Variants in TDRD12 observed in about 807,000 individuals in gnomAD.
TDRD12 encodes tudor domain containing 12.
A neutral mutation model predicts 133.5 loss-of-function variants in TDRD12; 158 were observed. The observed-to-expected ratio is 1.18, with a 90% CI of 1.04 to 1.35. The LOEUF is 1.35. Among genes scored for constraint, TDRD12 ranks in the 40% most tolerant of loss-of-function variants. TDRD12 has a pLI of 0.00. For missense variants in TDRD12, 1,443 were observed against 1,321.3 expected (o/e 1.09, Z -1.43); for synonymous variants, 460 against 477.9 (o/e 0.96, Z 0.49).
At chr19:32,724,595 G>C (rs550170967) in intron 1 of TDRD12, among the ~76,000 whole-genome samples, 3 of 152,214 alleles carry the variant, frequency 2.0e-5, no homozygotes, top group African/African-American at 7.2e-5. Flanking sequence ...TGGTGTATAT[G>C]TACCAAATTT....
chr19:32,810,164 T>C, exon 23 of TDRD12: 1 of 1,535,386 alleles, frequency 6.5e-7, no homozygotes, highest in Non-Finnish European at 8.7e-7. Flanking sequence ...TGGATCTTTA[T>C]GCAACTCTCA....
chr19:32,802,628 G>T (rs1350365476), intron 19 of TDRD12, 28 bp from the exon 20 acceptor site: 1 of 1,533,730 alleles, frequency 6.5e-7, no homozygotes, highest in Admixed American at 2.0e-5. Flanking sequence ...TCCAGCGCGT[G>T]TGACATTGTC....
At chr19:32,767,902 T>A (rs1970343174) in intron 8 of TDRD12, among the ~76,000 whole-genome samples, 1 of 152,216 alleles carries the variant, frequency 6.6e-6, no homozygotes, top group Non-Finnish European at 1.5e-5. Context: ...GTCTACCACC[T>A]ATTTTTGTGC....
intron 1 of TDRD12, among the ~76,000 whole-genome samples, chr19:32,725,266 T>C (rs767417893): frequency 3.3e-5 from 5 of 152,126 alleles, no homozygotes; most frequent in African/African-American, 4.8e-5. Context: ...TTGATGTTTT[T>C]GTCATGAAAT....
exon 4 of TDRD12, chr19:32,742,829 A>C: frequency 6.4e-7 from 1 of 1,551,920 alleles, no homozygotes; most frequent in Non-Finnish European, 8.7e-7. Context: ...ATAGAGCAAA[A>C]AAATTCAGCC....
At chr19:32,827,372 C>CTTTTCTTTTCTTTTTTTTTTTTTTTTTT (rs61327156) in exon 10 of TDRD12, 6 of 119,012 alleles carry the variant, frequency 5.0e-5, no homozygotes, top group East Asian at 2.7e-4. Flanking sequence ...CTTTTCTTTT[C>CTTTTCTTTTCTTTTTTTTTTTTTTTTTT]TTTTTTTTTT....
intron 1 of TDRD12, among the ~76,000 whole-genome samples, chr19:32,722,763 T>C (rs577386654): frequency 3.3e-5 from 5 of 150,586 alleles, no homozygotes; most frequent in African/African-American, 1.2e-4. Context: ...CACTGCAACC[T>C]CCGCCTCCCG....
At chr19:32,763,472 C>T (rs972838838) in intron 8 of TDRD12, among the ~76,000 whole-genome samples, 1 of 152,120 alleles carries the variant, frequency 6.6e-6, no homozygotes, top group South Asian at 2.1e-4. Context: ...AAGGTTAAAT[C>T]GGGCTGTATT....
At chr19:32,736,004 G>C (rs1969212351) in intron 2 of TDRD12, among the ~76,000 whole-genome samples, 1 of 152,070 alleles carries the variant, frequency 6.6e-6, no homozygotes. Flanking sequence ...GTCTTTAAAG[G>C]ACTAAAGCTT....
At chr19:32,757,096 T>A in exon 8 of TDRD12, 1 of 1,551,920 alleles carries the variant, frequency 6.4e-7, no homozygotes, top group Non-Finnish European at 8.7e-7. Flanking sequence ...GCAAGGGTAT[T>A]GTCGGTGACC....
At chr19:32,813,342 G>A (rs1160920689) in intron 24 of TDRD12, among the ~76,000 whole-genome samples, 2 of 152,196 alleles carry the variant, frequency 1.3e-5, no homozygotes, top group Admixed American at 1.3e-4. Flanking sequence ...CAAAGAAATA[G>A]GCATCCGTGC....
intron 11 of TDRD12, among the ~76,000 whole-genome samples, chr19:32,783,926 C>T (rs1970837569): frequency 6.6e-6 from 1 of 152,178 alleles, no homozygotes; most frequent in African/African-American, 2.4e-5. Flanking sequence ...AATTTGACTT[C>T]CTCTCTTCCT....
exon 1 of TDRD12, chr19:32,719,888 G>GTCC: frequency 1.5e-6 from 1 of 675,390 alleles, no homozygotes; most frequent in Non-Finnish European, 2.5e-6. Flanking sequence ...CGACCCCGGG[G>GTCC]TCCGCGAGGG....
At chr19:32,748,800 C>T (rs748606355) in intron 5 of TDRD12, among the ~76,000 whole-genome samples, 3 of 152,202 alleles carry the variant, frequency 2.0e-5, no homozygotes, top group East Asian at 1.9e-4. Context: ...CCTGCCTCTT[C>T]GTTTGCATAA....
At chr19:32,732,859 G>C (rs1969101058) in intron 2 of TDRD12, among the ~76,000 whole-genome samples, 1 of 152,156 alleles carries the variant, frequency 6.6e-6, no homozygotes, top group Non-Finnish European at 1.5e-5. Context: ...GTTAAACCAG[G>C]TCAATTGTTT....
chr19:32,754,826 C>CCT (rs1969945880), intron 6 of TDRD12, among the ~76,000 whole-genome samples: 1 of 151,942 alleles, frequency 6.6e-6, no homozygotes, highest in Non-Finnish European at 1.5e-5. Context: ...TATAGGCATG[C>CCT]GCCACCACGC....
intron 9 of TDRD12, 82 bp downstream of exon 9, chr19:32,772,932 AC>A: frequency 2.8e-6 from 2 of 713,862 alleles, no homozygotes; most frequent in Non-Finnish European, 4.2e-6. Flanking sequence ...TCTATCTGAA[AC>A]CAAAAATATG....
Position 32,723,396 on chromosome 19 carries a change from G to A in TDRD12, c.24+3300G>A, listed in dbSNP as rs188376896. Among the ~76,000 whole-genome samples the A allele has an allele frequency of 3.2e-4, 48 of 151,878 alleles. 1 individual carries two copies. The highest frequency in any genetic ancestry group is 6.8e-3 in the Middle Eastern group (2 of 294). On this transcript the variant is annotated intron_variant, in intron 1 of 27. Coordinates refer to ENST00000444215, the Ensembl canonical transcript of TDRD12. ...CTCCCAAGTAGCTGGGACTACAGGT[G>A]CCCGCCACCATGCCCGGCTAATTTT...
chr19:32,824,586 G>A (rs1967522470), downstream of TDRD12: 1 of 152,348 alleles, frequency 6.6e-6, no homozygotes, highest in South Asian at 2.1e-4. Context: ...GTCTAAGCCT[G>A]TCTGCTTTTG....
Sources: allele counts gnomAD v4.1 joint callset (sites outside exome capture counted in the v4.1 genomes callset), GRCh38; gene constraint gnomAD v4.1.1; transcripts MANE v1.5; gene names NCBI Gene and HGNC (gene_info 2026-07-23, HGNC 2026-07-21).